RIDA: variants seen among roughly 807,000 people sequenced by gnomAD.
The protein encoded by RIDA is reactive intermediate imine deaminase A.
A neutral mutation model predicts 17.8 loss-of-function variants in RIDA; 17 were observed. The ratio of observed to expected loss-of-function variants is 0.96; its 90% CI spans 0.65 to 1.43. The LOEUF (loss-of-function observed/expected upper bound fraction) is 1.43, where lower values mean the gene tolerates loss of function less well. Ranked by LOEUF, RIDA falls within the 40% of genes most tolerant of loss-of-function variation. The probability of loss-of-function intolerance (pLI) is 0.00; values close to 1 mark genes in which losing one functional copy is unlikely to be tolerated. For synonymous variants in RIDA, 48 were observed against 55.7 expected, an observed-to-expected ratio of 0.86 and a Z score of 0.62; for missense variants, 158 against 161.7, an observed-to-expected ratio of 0.98 and a Z score of 0.12.
intron 1 of RIDA, among the ~76,000 whole-genome samples, chr8:98,112,223 C>CACACACACACA (rs1554622860): frequency 1.3e-5 from 2 of 151,456 alleles, no homozygotes; most frequent in African/African-American, 4.9e-5. Flanking sequence ...CACACACACA[C>CACACACACACA]TTTCTCTAAG....
intron 2 of RIDA, among the ~76,000 whole-genome samples, chr8:98,107,579 A>C (rs1815648865): frequency 6.6e-6 from 1 of 152,146 alleles, no homozygotes; most frequent in South Asian, 2.1e-4. Context: ...TAAATGCAGT[A>C]AATTATAGTT....
intron 2 of RIDA, 129 bp downstream of exon 2, chr8:98,108,517 G>A: frequency 7.8e-6 from 5 of 637,060 alleles, no homozygotes; most frequent in Admixed American, 5.1e-5. Context: ...GTTAAATCAA[G>A]CAGTAAGTAG....
intron 1 of RIDA, among the ~76,000 whole-genome samples, chr8:98,115,621 C>T (rs1333737636): frequency 6.6e-6 from 1 of 151,374 alleles, no homozygotes; most frequent in Non-Finnish European, 1.5e-5. Context: ...GAACTCCTGA[C>T]CTCAAGCAAT....
Position 98,104,516 on chromosome 8 carries a change from A to C in RIDA, c.324T>G (p.Ala108=), listed in dbSNP as rs749012373. ...TGGGTAAAGCAGCAACTTGGTAAGC[A>C]GCTCTAGCAGGAAAATTACTCTTGA... ...QYFKSNFPAR[A]AYQVAALPKG... Residue 108 remains alanine (A), a synonymous_variant, in exon 5 of 6, where the codon GCT becomes GCG. Coordinates refer to ENST00000254878, the MANE Select transcript of RIDA (RefSeq NM_005836.3). 1.3e-6 allele frequency: 2 copies of C among 1,593,172 alleles called. No homozygotes were observed. The highest frequency in any genetic ancestry group is 1.7e-6 in the Non-Finnish European group (2 of 1,161,628).
At chr8:98,106,564 C>A in intron 2 of RIDA, 1 of 462,344 alleles carries the variant, frequency 2.2e-6, no homozygotes. Context: ...GTTCCTTCTT[C>A]AGTGCTAAAA....
Position 98,117,166 on chromosome 8 carries a change from T to A in RIDA, c.-70A>T, listed in dbSNP as rs1208418129. 4 of 1,435,010 alleles carry A rather than the reference T, an allele frequency of 2.8e-6. No homozygotes were observed. Among genetic ancestry groups the A allele is most frequent in the Non-Finnish European group, 9.8e-7 (1 of 1,017,088 alleles). 88.9% of individuals were successfully genotyped at this position (1,435,010 alleles called of 1,614,324 possible). ...AGCACCAGCCCTGCTGGCTTCTTACTGGACTGACCAACCACAGCAGCGCCT... is the reference window on the plus strand; with the variant it reads ...AGCACCAGCCCTGCTGGCTTCTTACAGGACTGACCAACCACAGCAGCGCCT... On this transcript the variant is annotated 5_prime_UTR_variant, in exon 1 of 6. Coordinates refer to ENST00000254878, the MANE Select transcript of RIDA (RefSeq NM_005836.3).
chr8:98,116,160 C>T (rs569516629), intron 1 of RIDA, among the ~76,000 whole-genome samples: 32 of 152,280 alleles, frequency 2.1e-4, no homozygotes, highest in African/African-American at 6.7e-4. Flanking sequence ...ACAAAACCAA[C>T]CTTCAAAACC....
intron 2 of RIDA, among the ~76,000 whole-genome samples, chr8:98,106,902 A>G (rs1387887267): frequency 6.6e-6 from 1 of 152,192 alleles, no homozygotes; most frequent in Non-Finnish European, 1.5e-5. Flanking sequence ...TGGCAACAAC[A>G]ACAACAAAAA....
intron 1 of RIDA, among the ~76,000 whole-genome samples, chr8:98,109,297 TAAG>T (rs1815684547): frequency 6.6e-6 from 1 of 151,936 alleles, no homozygotes; most frequent in South Asian, 2.1e-4. Flanking sequence ...ATCCAGAATA[TAAG>T]AAGAACTCTT....
chr8:98,107,386 T>C (rs1328112528), intron 2 of RIDA, among the ~76,000 whole-genome samples: 1 of 151,888 alleles, frequency 6.6e-6, no homozygotes, highest in East Asian at 1.9e-4. Flanking sequence ...AAGCCAGGTG[T>C]GGTGGCGTGT....
Position 98,108,823 on chromosome 8 carries a change from G to A in RIDA, c.66-72C>T, listed in dbSNP as rs1291467549. ...AAATTCAATGCTAGAAGACTTTTTT[G>A]ATAGGACAGAGAAGTATAAATTGTA... On this transcript the variant is annotated intron_variant, in intron 1 of 5. Transcript: ENST00000254878. 4 of 897,326 alleles carry A rather than the reference G, an allele frequency of 4.5e-6. No homozygotes were observed. In the African/African-American group the frequency reaches 5.1e-5, roughly 11 times the overall value. The allele number at this position is 897,326 out of a possible 1,614,324, so 55.6% of individuals were successfully genotyped here.
intron 1 of RIDA, among the ~76,000 whole-genome samples, chr8:98,112,409 T>C (rs1323911057): frequency 6.6e-6 from 1 of 152,192 alleles, no homozygotes; most frequent in African/African-American, 2.4e-5. Context: ...TCTCTGTAGC[T>C]GTGTAGGGTG....
intron 1 of RIDA, among the ~76,000 whole-genome samples, chr8:98,112,599 T>C (rs923359366): frequency 9.9e-5 from 15 of 152,254 alleles, no homozygotes; most frequent in South Asian, 2.1e-4. Flanking sequence ...GATAACATGA[T>C]TCAGAAAGTC....
intron 1 of RIDA, 141 bp from the exon 2 acceptor site, chr8:98,108,892 CTT>C: frequency 1.8e-6 from 1 of 569,470 alleles, no homozygotes; most frequent in Admixed American, 3.0e-5. Context: ...AAATTGAAAA[CTT>C]TTGTTTATCA....
At chr8:98,115,687 G>A (rs1242799330) in intron 1 of RIDA, among the ~76,000 whole-genome samples, 2 of 151,842 alleles carry the variant, frequency 1.3e-5, no homozygotes, top group Admixed American at 1.3e-4. Flanking sequence ...CACAGTACCC[G>A]GCTAAAGAAA....
At chr8:98,112,792 C>T (rs2130555959) in intron 1 of RIDA, among the ~76,000 whole-genome samples, 1 of 152,210 alleles carries the variant, frequency 6.6e-6, no homozygotes, top group East Asian at 1.9e-4. Context: ...TTCAGCTTTC[C>T]CCATATCTGA....
intron 4 of RIDA, 22 bp downstream of exon 4, chr8:98,105,916 G>A: frequency 6.7e-7 from 1 of 1,484,194 alleles, no homozygotes; most frequent in Non-Finnish European, 9.4e-7. Flanking sequence ...ATGGAAAATA[G>A]GAATAAAGCC....
chr8:98,111,074 G>A (rs1469881775), intron 1 of RIDA, among the ~76,000 whole-genome samples: 2 of 152,062 alleles, frequency 1.3e-5, no homozygotes, highest in African/African-American at 4.8e-5. Flanking sequence ...GTGTGGAAAC[G>A]AACTAATACA....
At chr8:98,104,145 G>A (rs547916528) in intron 5 of RIDA, among the ~76,000 whole-genome samples, 2 of 148,732 alleles carry the variant, frequency 1.3e-5, no homozygotes, top group South Asian at 2.1e-4. Flanking sequence ...ACAGTGGTTC[G>A]ATTATAGCTC....
Sources: gnomAD v4.1 joint callset for allele counts (sites outside exome capture counted in the v4.1 genomes callset) on GRCh38, gnomAD v4.1.1 for gene constraint, MANE v1.5 for transcripts, NCBI Gene and HGNC (gene_info 2026-07-23, HGNC 2026-07-21) for gene names.